Variants in CCDC85A observed in about 807,000 individuals in gnomAD.
CCDC85A encodes the protein coiled-coil domain-containing protein 85A.
Under a neutral mutation model 50.2 loss-of-function variants are expected in CCDC85A, and 38 were observed. The ratio of observed to expected loss-of-function variants is 0.76; its 90% CI spans 0.58 to 0.99. The LOEUF (loss-of-function observed/expected upper bound fraction) is 0.99. Ranked by LOEUF, CCDC85A falls within the 50% of genes least tolerant of loss-of-function variation. The pLI, the probability that CCDC85A is intolerant of heterozygous loss-of-function variation, is 0.00. For synonymous variants in CCDC85A, 366 were observed against 301.4 expected (o/e 1.21, Z -2.22); for missense variants, 820 against 742.0 (o/e 1.11, Z -1.22).
intron 2 of CCDC85A, among the ~76,000 whole-genome samples, chr2:56,292,327 C>T (rs1292341944): frequency 6.6e-6 from 1 of 152,178 alleles, no homozygotes; most frequent in Non-Finnish European, 1.5e-5. Flanking sequence ...TCGTGATCCA[C>T]CCGCCTCGGC....
At chr2:56,348,391 G>T (rs781182724) in intron 3 of CCDC85A, among the ~76,000 whole-genome samples, 2 of 152,126 alleles carry the variant, frequency 1.3e-5, no homozygotes, top group Admixed American at 1.3e-4. Context: ...TGTTTGAAAG[G>T]CATGGTAACT....
chr2:56,296,394 C>A (rs1024589067), intron 2 of CCDC85A, among the ~76,000 whole-genome samples: 5 of 152,136 alleles, frequency 3.3e-5, no homozygotes, highest in African/African-American at 4.8e-5. Context: ...TTTCTTCTTT[C>A]CCTTTTCCAT....
chr2:56,223,905 G>C (rs1471476755), intron 2 of CCDC85A, among the ~76,000 whole-genome samples: 2 of 151,568 alleles, frequency 1.3e-5, no homozygotes, highest in Non-Finnish European at 2.9e-5. Flanking sequence ...CTGCTAACTG[G>C]CTTTCCCTAC....
chr2:56,210,818 G>T (rs1030152770), intron 2 of CCDC85A, among the ~76,000 whole-genome samples: 1 of 152,028 alleles, frequency 6.6e-6, no homozygotes, highest in African/African-American at 2.4e-5. Flanking sequence ...CTGGCATTTT[G>T]TGACCTAGTC....
chr2:56,356,079 C>G (rs1422290306), intron 3 of CCDC85A, among the ~76,000 whole-genome samples: 1 of 152,104 alleles, frequency 6.6e-6, no homozygotes, highest in East Asian at 1.9e-4. Flanking sequence ...AATTTAATAT[C>G]TATAACTACA....
chr2:56,304,388 G>C (rs1672338346), intron 2 of CCDC85A, among the ~76,000 whole-genome samples: 1 of 152,164 alleles, frequency 6.6e-6, no homozygotes, highest in Non-Finnish European at 1.5e-5. Context: ...AATATGATAT[G>C]CATAAAAATT....
chr2:56,371,902 C>A (rs1282724505), intron 3 of CCDC85A, among the ~76,000 whole-genome samples: 2 of 151,778 alleles, frequency 1.3e-5, no homozygotes, highest in African/African-American at 4.8e-5. Context: ...ATATGTATAC[C>A]CAAATTTCAC....
intron 2 of CCDC85A, among the ~76,000 whole-genome samples, chr2:56,303,554 G>A (rs763737587): frequency 6.6e-6 from 1 of 152,074 alleles, no homozygotes; most frequent in Non-Finnish European, 1.5e-5. Flanking sequence ...AGGGCACCAA[G>A]CAGGAAAGGG....
At chr2:56,320,006 A>G (rs10186011) in intron 2 of CCDC85A, among the ~76,000 whole-genome samples, 2,635 of 152,310 alleles carry the variant, frequency 0.017, 83 homozygotes, top group African/African-American at 0.06. Flanking sequence ...GCTCAACTAC[A>G]TGGAAACTGG....
chr2:56,209,238 A>T (rs1573027243), intron 2 of CCDC85A, among the ~76,000 whole-genome samples: 1 of 152,082 alleles, frequency 6.6e-6, no homozygotes, highest in East Asian at 1.9e-4. Flanking sequence ...AATTTGTTGA[A>T]CGCGACCTAT....
Position 56,184,743 on chromosome 2 carries a change from C to G in CCDC85A, c.119C>G (p.Ser40Trp), listed in dbSNP as rs1304333769. The G allele has an allele frequency of 3.9e-6, 6 of 1,543,110 alleles. No individual in the cohort carries two copies. The highest frequency in any genetic ancestry group is 2.0e-5 in the Admixed American group (1 of 50,794). Residue 40 changes from serine (S) to tryptophan (W), a missense_variant, in exon 1 of 6, where the codon TCG (serine) becomes TGG (tryptophan). Coordinates refer to ENST00000407595, the MANE Select transcript of CCDC85A (RefSeq NM_001080433.2). The part of the protein sequence containing the change: ...PAPVEDLSKV[S>W]DEELLQWSKE... The stretch of plus-strand genomic sequence containing the variant: ...CCGGTGGAGGACCTGTCCAAAGTGT[C>G]GGACGAGGAGCTGCTGCAGTGGAGC...
At chr2:56,333,108 C>T (rs1344294917) in intron 2 of CCDC85A, among the ~76,000 whole-genome samples, 1 of 152,068 alleles carries the variant, frequency 6.6e-6, no homozygotes, top group South Asian at 2.1e-4. Context: ...AATATATGAA[C>T]AAGCTAATGT....
intron 2 of CCDC85A, among the ~76,000 whole-genome samples, chr2:56,342,196 CTT>C (rs1553414229): frequency 1.4e-5 from 2 of 147,946 alleles, no homozygotes; most frequent in African/African-American, 2.5e-5. Context: ...TTCTCTAATA[CTT>C]TTTTTTTTTT....
intron 2 of CCDC85A, among the ~76,000 whole-genome samples, chr2:56,252,012 C>T (rs572426926): frequency 6.1e-4 from 92 of 150,546 alleles, no homozygotes; most frequent in Non-Finnish European, 1.1e-3. Flanking sequence ...TCTCTGTGGG[C>T]TTCATCCCCT....
chr2:56,344,618 G>A (rs1674540640), intron 3 of CCDC85A, among the ~76,000 whole-genome samples: 1 of 152,006 alleles, frequency 6.6e-6, no homozygotes, highest in Non-Finnish European at 1.5e-5. Flanking sequence ...TACTACTGGT[G>A]GGTTTGTTTT....
At chr2:56,286,709 G>A (rs1270001757) in intron 2 of CCDC85A, among the ~76,000 whole-genome samples, 2 of 152,000 alleles carry the variant, frequency 1.3e-5, no homozygotes, top group Non-Finnish European at 2.9e-5. Flanking sequence ...CTTGGTCTCT[G>A]TATTGGCTGC....
chr2:56,202,791 A>T (rs1178014370), intron 2 of CCDC85A, among the ~76,000 whole-genome samples: 4 of 152,224 alleles, frequency 2.6e-5, no homozygotes, highest in Non-Finnish European at 5.9e-5. Context: ...TTGAGAATTC[A>T]AATTAACCAA....
intron 2 of CCDC85A, among the ~76,000 whole-genome samples, chr2:56,298,361 G>T (rs1450182562): frequency 2.0e-5 from 3 of 152,138 alleles, no homozygotes; most frequent in Non-Finnish European, 4.4e-5. Flanking sequence ...TTTCATATTG[G>T]AAAGGAATTT....
chr2:56,351,506 A>G (rs1674938385), intron 3 of CCDC85A, among the ~76,000 whole-genome samples: 1 of 142,166 alleles, frequency 7.0e-6, no homozygotes, highest in Non-Finnish European at 1.5e-5. Context: ...CATCCTCTCC[A>G]GCACTTGTTG....
Sources: allele counts gnomAD v4.1 joint callset (sites outside exome capture counted in the v4.1 genomes callset), GRCh38; gene constraint gnomAD v4.1.1; transcripts MANE v1.5; gene names NCBI Gene and HGNC (gene_info 2026-07-23, HGNC 2026-07-21).